The following PDE10A variants were observed in gnomAD, a reference collection of about 807,000 sequenced individuals.
The protein encoded by PDE10A is phosphodiesterase 10A.
In PDE10A, 39 loss-of-function variants were observed where a neutral mutation model predicts 97.7. The observed-to-expected ratio is 0.40, with a 90% CI of 0.31 to 0.52. PDE10A has a LOEUF of 0.52. PDE10A is among the 20% of genes least tolerant of loss of function. PDE10A has a pLI of 0.56. For synonymous variants in PDE10A, 371 were observed against 376.8 expected (o/e 0.98, Z 0.18); for missense variants, 731 against 1,047.8 (o/e 0.70, Z 4.17).
chr6:165,350,187 C>T (rs983711418), intron 18 of PDE10A, among the ~76,000 whole-genome samples: 55 of 152,130 alleles, frequency 3.6e-4, no homozygotes, highest in African/African-American at 1.3e-3. Context: ...TGCAAGCAGC[C>T]GGGAGGGTAA....
chr6:165,415,267 A>C, intron 12 of PDE10A, among the ~76,000 whole-genome samples: 1 of 152,196 alleles, frequency 6.6e-6, no homozygotes, highest in East Asian at 1.9e-4. Context: ...GACAATATAC[A>C]TTACTAGAAT....
chr6:165,473,258 A>T (rs1779113935), intron 3 of PDE10A, among the ~76,000 whole-genome samples: 1 of 152,230 alleles, frequency 6.6e-6, no homozygotes, highest in Admixed American at 6.5e-5. Flanking sequence ...TGAAGAAGAC[A>T]CTAGAAATAA....
intron 1 of PDE10A, chr6:165,908,822 A>G (rs1782376625): frequency 6.6e-6 from 1 of 152,252 alleles, no homozygotes. Flanking sequence ...AGAACAGCTG[A>G]GCCAGAAAGC....
At chr6:165,690,449 C>T (rs1791240657) in intron 1 of PDE10A, among the ~76,000 whole-genome samples, 1 of 152,220 alleles carries the variant, frequency 6.6e-6, no homozygotes, top group South Asian at 2.1e-4. Flanking sequence ...TGCCTTCAGC[C>T]TGGCTCTCCT....
At chr6:165,497,750 C>T (rs1780622690) in intron 2 of PDE10A, among the ~76,000 whole-genome samples, 1 of 152,130 alleles carries the variant, frequency 6.6e-6, no homozygotes, top group South Asian at 2.1e-4. Context: ...AGAAAATCTA[C>T]CCCAGAGAGG....
chr6:165,969,311 A>T (rs1784602570), intron 1 of PDE10A, among the ~76,000 whole-genome samples: 1 of 152,086 alleles, frequency 6.6e-6, no homozygotes, highest in Non-Finnish European at 1.5e-5. Context: ...ATAGAGGAGG[A>T]GGGTGGTGGC....
chr6:165,443,140 A>G (rs1790596813), intron 5 of PDE10A, among the ~76,000 whole-genome samples: 1 of 147,440 alleles, frequency 6.8e-6, no homozygotes, highest in Non-Finnish European at 1.5e-5. Context: ...AAAAATGTCC[A>G]AGTCTAAAGT....
intron 1 of PDE10A, among the ~76,000 whole-genome samples, chr6:165,826,705 G>C (rs1779765436): frequency 6.6e-6 from 1 of 151,838 alleles, no homozygotes; most frequent in Non-Finnish European, 1.5e-5. Flanking sequence ...GTGGGAGCGG[G>C]CGCGTGGTAC....
chr6:165,958,755 A>AAGAAAG (rs1784266771), intron 1 of PDE10A, among the ~76,000 whole-genome samples: 1 of 149,682 alleles, frequency 6.7e-6, no homozygotes, highest in African/African-American at 2.5e-5. Context: ...AAGAGAAAGA[A>AAGAAAG]AGAAAGAAAG....
At position 165,413,570 on chromosome 6, in the gene PDE10A, G is replaced by A; in HGVS notation, c.2007C>T (p.Phe669=). Residue 669 remains phenylalanine (F), a synonymous_variant, in exon 13 of 22, where the codon TTC becomes TTT. Transcript: ENST00000539869. ...QMVNKISGSA[F]SKTDENNFKM... is the part of the protein sequence containing the mutation. ...TGAAGTTGTTTTCATCTGTTTTAGAGAAGGCACTGCCACTGATTTTGTTGA... is the reference window on the plus strand; with the variant it reads ...TGAAGTTGTTTTCATCTGTTTTAGAAAAGGCACTGCCACTGATTTTGTTGA... 6.2e-7 allele frequency: 1 copy of A among 1,614,136 alleles called. No homozygotes were observed. The highest frequency in any genetic ancestry group is 1.6e-4 in the Middle Eastern group (1 of 6,062).
chr6:165,987,662 T>A (rs1368181551), exon 1 of PDE10A: 1 of 456,602 alleles, frequency 2.2e-6, no homozygotes, highest in Non-Finnish European at 4.4e-6. Flanking sequence ...CAGGGTTCCA[T>A]GGAGAACTGC....
chr6:165,959,747 T>A (rs530502834), intron 1 of PDE10A, among the ~76,000 whole-genome samples: 10 of 152,150 alleles, frequency 6.6e-5, no homozygotes, highest in African/African-American at 2.2e-4. Context: ...AAGAGGGCCC[T>A]CTCTCCCACT....
At chr6:165,896,937 T>C (rs1271058133) in intron 1 of PDE10A, among the ~76,000 whole-genome samples, 1 of 152,156 alleles carries the variant, frequency 6.6e-6, no homozygotes, top group African/African-American at 2.4e-5. Flanking sequence ...CTCAAAGTGC[T>C]GGGATTACAT....
intron 1 of PDE10A, among the ~76,000 whole-genome samples, chr6:165,550,703 A>T (rs1783970573): frequency 6.6e-6 from 1 of 152,198 alleles, no homozygotes; most frequent in Admixed American, 6.5e-5. Flanking sequence ...GCAAAACTAG[A>T]ATTAATAATT....
At chr6:165,403,988 T>C (rs1562428515) in intron 13 of PDE10A, among the ~76,000 whole-genome samples, 2 of 152,352 alleles carry the variant, frequency 1.3e-5, no homozygotes, top group African/African-American at 2.4e-5. Flanking sequence ...ATAAAAGGAA[T>C]ATGTTCTATT....
chr6:165,341,210 T>C lies in PDE10A; in HGVS notation c.2896-1852A>G, dbSNP rs145610762. Among the ~76,000 whole-genome samples the C allele has an allele frequency of 8.5e-5, 13 of 152,264 alleles. No individual in the cohort carries two copies. In the East Asian group the frequency reaches 1.7e-3, roughly 20 times the overall value. Reference sequence around the variant, plus strand: ...TATTCCTGCTTCTTCCTGTGGACTATTGAGGTTGGTGAAGGCTGCACCTAA... The same window carrying C: ...TATTCCTGCTTCTTCCTGTGGACTACTGAGGTTGGTGAAGGCTGCACCTAA... On this transcript the variant is annotated intron_variant, in intron 19 of 21. Transcript: ENST00000539869.
At chr6:165,493,191 T>C (rs1401788143) in intron 2 of PDE10A, among the ~76,000 whole-genome samples, 2 of 151,744 alleles carry the variant, frequency 1.3e-5, no homozygotes, top group Non-Finnish European at 2.9e-5. Context: ...ACAGACAATA[T>C]AAACAAATGG....
intron 1 of PDE10A, among the ~76,000 whole-genome samples, chr6:165,691,478 C>G (rs1322579348): frequency 6.6e-6 from 1 of 152,150 alleles, no homozygotes; most frequent in African/African-American, 2.4e-5. Flanking sequence ...TCAGCATACT[C>G]TGTGATGTTC....
intron 1 of PDE10A, among the ~76,000 whole-genome samples, chr6:165,790,522 T>C (rs947309225): frequency 1.1e-4 from 17 of 152,156 alleles, no homozygotes; most frequent in African/African-American, 4.1e-4. Context: ...TTAAAAGCAA[T>C]AAATTCTATG....
Sources: allele counts gnomAD v4.1 joint callset (sites outside exome capture counted in the v4.1 genomes callset), GRCh38; gene constraint gnomAD v4.1.1; transcripts MANE v1.5; gene names NCBI Gene and HGNC (gene_info 2026-07-23, HGNC 2026-07-21).